DXO: variants seen among roughly 807,000 people sequenced by gnomAD.
DXO encodes decapping and exoribonuclease protein.
Under a neutral mutation model 39.8 loss-of-function variants are expected in DXO, and 42 were observed. The ratio of observed to expected loss-of-function variants is 1.06; its 90% CI spans 0.83 to 1.37. DXO has a LOEUF of 1.37. Among genes scored for constraint, DXO ranks in the 40% most tolerant of loss-of-function variants. The pLI is 0.00. For missense variants in DXO, 495 were observed against 513.0 expected (o/e 0.96, Z 0.34); for synonymous variants, 193 against 200.4 (o/e 0.96, Z 0.31).
Position 31,971,634 on chromosome 6 carries a change from C to A in DXO, c.42G>T (p.Glu14Asp). 6.2e-7 allele frequency: 1 copy of A among 1,611,082 alleles called. No homozygotes were observed. The highest frequency in any genetic ancestry group is 8.5e-7 in the Non-Finnish European group (1 of 1,179,974). The change falls in exon 2 of 7, where the codon GAG becomes GAT. Residue 14 changes from glutamate (E) to aspartate (D), a missense_variant. By Grantham distance (45) the Glu-to-Asp change is conservative (BLOSUM62 2). Transcript: ENST00000337523. This position sits in a 1 kb window ranked among gnomAD's most constrained non-coding sequence, Gnocchi z 4.5. ...GTAGTTTGTTCCGAGGCTCAGCTACCTCTGTCTTCTCAGCTCCTCTCTTGG... is the reference window on the plus strand; with the variant it reads ...GTAGTTTGTTCCGAGGCTCAGCTACATCTGTCTTCTCAGCTCCTCTCTTGG... ...RGTKRGAEKT[E>D]VAEPRNKLPR... is the part of the protein sequence containing the mutation.
Position 31,971,222 on chromosome 6 carries a change from T to C in DXO, c.357-75A>G. 4 of 1,569,462 alleles carry C rather than the reference T, an allele frequency of 2.5e-6. No individual in the cohort carries two copies. Among genetic ancestry groups the C allele is most frequent in the Non-Finnish European group, 3.5e-6 (4 of 1,155,596 alleles). Reference sequence around the variant, plus strand: ...ATGCTCCCCTCGAAGAATAGTCTTGTTTCTTCTAAGGACTGATTCTCACCC... The same window carrying C: ...ATGCTCCCCTCGAAGAATAGTCTTGCTTCTTCTAAGGACTGATTCTCACCC... On this transcript the variant is annotated intron_variant, in intron 2 of 6. Transcript: ENST00000337523. This position sits in a 1 kb window ranked among gnomAD's most constrained non-coding sequence, Gnocchi z 4.5.
chr6:31,970,496 G>A lies in DXO; in HGVS notation c.813-18C>T, dbSNP rs764405258. The stretch of plus-strand genomic sequence containing the variant: ...GCTTGTGTCTGACAGGAAAAGCAAG[G>A]GATCAGTGGGACCCCTCGTGCACCC... On this transcript the variant is annotated intron_variant, in intron 4 of 6. Coordinates refer to ENST00000337523, the MANE Select transcript of DXO (RefSeq NM_005510.4). This position sits in a 1 kb window ranked among gnomAD's most constrained non-coding sequence, Gnocchi z 4.0. 1 of 1,613,944 alleles carries A rather than the reference G, an allele frequency of 6.2e-7. No individual in the cohort carries two copies. The highest frequency in any genetic ancestry group is 2.2e-5 in the East Asian group (1 of 44,882).
rs762840455 is a variant in DXO, at chr6:31,970,729, A to C, written c.689T>G (p.Leu230Arg). 19 of 1,612,680 alleles carry C rather than the reference A, an allele frequency of 1.2e-5. No individual in the cohort carries two copies. In the Admixed American group the frequency reaches 3.2e-4, roughly 27 times the overall value. Reference sequence around the variant, plus strand: ...TGTGCAGTCTACCTCCCCTGAGAAGAGCAGAGGGTGGCTTCCCAGGCGGCT... The same window carrying C: ...TGTGCAGTCTACCTCCCCTGAGAAGCGCAGAGGGTGGCTTCCCAGGCGGCT... ...LRSRLGSHPL[L>R]FSGEVDCTDP... The change falls in exon 4 of 7, where the codon CTC becomes CGC. Residue 230 changes from leucine (L) to arginine (R), a missense_variant. Leu to Arg is a moderately radical substitution (Grantham distance 102, BLOSUM62 -2). Coordinates refer to ENST00000337523, the MANE Select transcript of DXO (RefSeq NM_005510.4). The surrounding 1 kb of genome is among the most constrained non-coding windows in gnomAD (Gnocchi z 4.0).
In DXO at chr6:31,971,306, C is replaced by T. The variant is rs755106840; in HGVS notation, c.356+14G>A. Reference sequence around the variant, plus strand: ...ACGGGTCTCCAGATATACTGCCTACCACGCTTTGCTCACCCCTCCAACCGG... The same window carrying T: ...ACGGGTCTCCAGATATACTGCCTACTACGCTTTGCTCACCCCTCCAACCGG... On this transcript the variant is annotated intron_variant, in intron 2 of 6. Transcript: ENST00000337523. The surrounding 1 kb of genome is among the most constrained non-coding windows in gnomAD (Gnocchi z 4.5). The T allele has an allele frequency of 6.5e-7, 1 of 1,538,434 alleles. No individual in the cohort carries two copies. The highest frequency in any genetic ancestry group is 2.0e-5 in the Admixed American group (1 of 50,348).
chr6:31,971,912 A>C lies in DXO; in HGVS notation c.-7+17T>G, dbSNP rs1425454236. 1.3e-6 allele frequency: 2 copies of C among 1,529,240 alleles called. No homozygotes were observed. Among genetic ancestry groups the C allele is most frequent in the Non-Finnish European group, 1.8e-6 (2 of 1,136,888 alleles). The allele number at this position is 1,529,240 out of a possible 1,614,324, so 94.7% of individuals were successfully genotyped here. A position where few individuals can be genotyped will look rare whatever the true frequency, so the allele number is the denominator to read the frequency against. On this transcript the variant is annotated intron_variant, in intron 1 of 6. Transcript: ENST00000337523. This position sits in a 1 kb window ranked among gnomAD's most constrained non-coding sequence, Gnocchi z 4.5. Reference sequence around the variant, plus strand: ...GGTTAGGAAGGACGTCTGCGCTCAGATCAAGAATCCAGTTACCTCAAAGCT... The same window carrying C: ...GGTTAGGAAGGACGTCTGCGCTCAGCTCAAGAATCCAGTTACCTCAAAGCT...
In DXO at chr6:31,970,744, C is replaced by G; in HGVS notation, c.674G>C (p.Gly225Ala). The G allele has an allele frequency of 6.2e-7, 1 of 1,612,902 alleles. No homozygotes were observed. The highest frequency in any genetic ancestry group is 2.2e-5 in the East Asian group (1 of 44,856). ...CCCTGAGAAGAGCAGAGGGTGGCTT[C>G]CCAGGCGGCTGCGTAGCACAGAGCA... ...AFCSVLRSRL[G>A]SHPLLFSGEV... The change falls in exon 4 of 7, where the codon GGA (glycine) becomes GCA (alanine). Residue 225 changes from glycine to alanine, a missense_variant. Gly to Ala is a moderately conservative substitution (Grantham distance 60). Transcript: ENST00000337523. This position sits in a 1 kb window ranked among gnomAD's most constrained non-coding sequence, Gnocchi z 4.0.
At position 31,970,711 on chromosome 6, in the gene DXO, T is replaced by C. The variant is rs1323109239; in HGVS notation, c.707A>G (p.Asp236Gly). 1.2e-6 allele frequency: 2 copies of C among 1,612,704 alleles called. No homozygotes were observed. Among genetic ancestry groups the C allele is most frequent in the African/African-American group, 1.3e-5 (1 of 74,842 alleles). The change falls in exon 4 of 7, where the codon GAC (aspartate) becomes GGC (glycine). Residue 236 changes from aspartate to glycine, a missense_variant. By Grantham distance (94) the Asp-to-Gly change is moderately conservative. Transcript: ENST00000337523. The surrounding 1 kb of genome is among the most constrained non-coding windows in gnomAD (Gnocchi z 4.0). Reference sequence around the variant, plus strand: ...GGATGGGGCTTGGGGGTCTGTGCAGTCTACCTCCCCTGAGAAGAGCAGAGG... The same window carrying C: ...GGATGGGGCTTGGGGGTCTGTGCAGCCTACCTCCCCTGAGAAGAGCAGAGG... ...SHPLLFSGEV[D>G]CTDPQAPSTQ...
In DXO at chr6:31,972,066, G is replaced by GGCGGGGGAGGTGTGAGCTTC; in HGVS notation, c.-164_-145dup. 3 of 1,612,740 alleles carry GGCGGGGGAGGTGTGAGCTTC rather than the reference G, an allele frequency of 1.9e-6. No individual in the cohort carries two copies. Among genetic ancestry groups the GGCGGGGGAGGTGTGAGCTTC allele is most frequent in the Non-Finnish European group, 2.5e-6 (3 of 1,179,554 alleles). On this transcript the variant is annotated 5_prime_UTR_variant, in exon 1 of 7. Coordinates refer to ENST00000337523, the MANE Select transcript of DXO (RefSeq NM_005510.4). The surrounding 1 kb of genome is among the most constrained non-coding windows in gnomAD (Gnocchi z 6.3). ...ACAGTGGCGGGCAAACCCCTCCCGGGGCGGGGGAGGTGTGAGCTTCACGAA... is the reference window on the plus strand; with the variant it reads ...ACAGTGGCGGGCAAACCCCTCCCGGGGCGGGGGAGGTGTGAGCTTCGCGGGGGAGGTGTGAGCTTCACGAA...
At position 31,970,406 on chromosome 6, in the gene DXO, G is replaced by GTTT; in HGVS notation, c.884_885insAAA (p.Arg294_Asn295insLys). On this transcript the variant is annotated inframe_insertion, in exon 5 of 7. Coordinates refer to ENST00000337523, the MANE Select transcript of DXO (RefSeq NM_005510.4). This position sits in a 1 kb window ranked among gnomAD's most constrained non-coding sequence, Gnocchi z 4.0. The stretch of plus-strand genomic sequence containing the variant: ...TGAGGGAAGAGACAAAACCGTCTGG[G>GTTT]TTACGGAAGCCAGCAACAACATTCG... 1.2e-6 allele frequency: 2 copies of GTTT among 1,614,114 alleles called. No homozygotes were observed. Among genetic ancestry groups the GTTT allele is most frequent in the Non-Finnish European group, 1.7e-6 (2 of 1,180,018 alleles).
At position 31,971,219 on chromosome 6, in the gene DXO, T is replaced by C; in HGVS notation, c.357-72A>G. On this transcript the variant is annotated intron_variant, in intron 2 of 6. Transcript: ENST00000337523. The surrounding 1 kb of genome is among the most constrained non-coding windows in gnomAD (Gnocchi z 4.5). The stretch of plus-strand genomic sequence containing the variant: ...GAGATGCTCCCCTCGAAGAATAGTC[T>C]TGTTTCTTCTAAGGACTGATTCTCA... 6.4e-7 allele frequency: 1 copy of C among 1,569,924 alleles called. No individual in the cohort carries two copies. Among genetic ancestry groups the C allele is most frequent in the Non-Finnish European group, 8.7e-7 (1 of 1,155,392 alleles).
Position 31,970,402 on chromosome 6 carries a change from CTG to C in DXO, c.887_888del (p.Pro296ArgfsTer17), listed in dbSNP as rs1773160584. 6.2e-7 allele frequency: 1 copy of C among 1,614,048 alleles called. No homozygotes were observed. The highest frequency in any genetic ancestry group is 2.2e-5 in the East Asian group (1 of 44,884). ...VPNVVAGFRN[P>X]DGFVSSLKTF... Reference sequence around the variant, plus strand: ...GTCTTGAGGGAAGAGACAAAACCGTCTGGGTTACGGAAGCCAGCAACAACATT... The same window carrying C: ...GTCTTGAGGGAAGAGACAAAACCGTCGGTTACGGAAGCCAGCAACAACATT... On this transcript the variant is annotated frameshift_variant, in exon 5 of 7. Transcript: ENST00000337523. LOFTEE classifies it high-confidence loss of function. The surrounding 1 kb of genome is among the most constrained non-coding windows in gnomAD (Gnocchi z 4.0).
chr6:31,971,426 G>A lies in DXO; in HGVS notation c.250C>T (p.Leu84Phe). 1 of 1,610,530 alleles carries A rather than the reference G, an allele frequency of 6.2e-7. No individual in the cohort carries two copies. Among genetic ancestry groups the A allele is most frequent in the Non-Finnish European group, 8.5e-7 (1 of 1,177,272 alleles). Residue 84 changes from leucine (L) to phenylalanine (F), a missense_variant, in exon 2 of 7, where the codon CTC (leucine) becomes TTC (phenylalanine). Coordinates refer to ENST00000337523, the MANE Select transcript of DXO (RefSeq NM_005510.4). This position sits in a 1 kb window ranked among gnomAD's most constrained non-coding sequence, Gnocchi z 4.5. ...TATCGATCCGGGTATCCGTCTCTGA[G>A]GTCAAAGTTGGGGCCTGGACCGTTA... ...PTNGPGPNFD[L>F]RDGYPDRYQP... is the part of the protein sequence containing the mutation.
Position 31,970,312 on chromosome 6 carries a change from A to G in DXO, c.948+31T>C. 1 of 1,614,030 alleles carries G rather than the reference A, an allele frequency of 6.2e-7. No homozygotes were observed. The highest frequency in any genetic ancestry group is 8.5e-7 in the Non-Finnish European group (1 of 1,179,948). On this transcript the variant is annotated intron_variant, in intron 5 of 6. Transcript: ENST00000337523. This position sits in a 1 kb window ranked among gnomAD's most constrained non-coding sequence, Gnocchi z 4.0. ...ACCTGTGGTCTTGGTGTTTGGGGAT[A>G]CGGGTGGGAGCTGCAACATCGTTCC... is the stretch of plus-strand genomic sequence containing the variant.
rs1562673253 is a variant in DXO at position 31,969,840 on chromosome 6, G to A, written c.*37C>T. The A allele has an allele frequency of 1.2e-6, 2 of 1,613,828 alleles. No individual in the cohort carries two copies. Among genetic ancestry groups the A allele is most frequent in the African/African-American group, 1.3e-5 (1 of 75,046 alleles). On this transcript the variant is annotated 3_prime_UTR_variant, in exon 7 of 7. Transcript: ENST00000337523. The surrounding 1 kb of genome is among the most constrained non-coding windows in gnomAD (Gnocchi z 6.1). ...TCTTAGAAATATGCTTTTATTATCT[G>A]CACACAGAGATATGACTGCCTCCCT...
In DXO at chr6:31,971,672, C is replaced by T. The variant is rs1582204256; in HGVS notation, c.4G>A (p.Asp2Asn). The part of the protein sequence containing the change: M[D>N]PRGTKRGAEK... ...GCTCCTCTCTTGGTCCCCCTGGGAT[C>T]CATGAGGTCCTAAGACAAGCAGGGG... Residue 2 changes from aspartate (D) to asparagine (N), a missense_variant, in exon 2 of 7, where the codon GAT (aspartate) becomes AAT (asparagine). By Grantham distance (23) the Asp-to-Asn change is conservative (BLOSUM62 1). Transcript: ENST00000337523. This position sits in a 1 kb window ranked among gnomAD's most constrained non-coding sequence, Gnocchi z 4.5. 6.2e-6 allele frequency: 10 copies of T among 1,603,176 alleles called. No individual in the cohort carries two copies. The highest frequency in any genetic ancestry group is 7.6e-6 in the Non-Finnish European group (9 of 1,178,728).
Position 31,971,625 on chromosome 6 carries a change from C to A in DXO, c.51G>T (p.Glu17Asp), listed in dbSNP as rs1445656006. The A allele has an allele frequency of 6.2e-7, 1 of 1,612,168 alleles. No homozygotes were observed. The highest frequency in any genetic ancestry group is 1.7e-5 in the Admixed American group (1 of 60,016). The change falls in exon 2 of 7, where the codon GAG (glutamate) becomes GAT (aspartate). Residue 17 changes from glutamate to aspartate, a missense_variant. Physicochemically the swap from Glu to Asp is conservative, Grantham distance 45. Coordinates refer to ENST00000337523, the MANE Select transcript of DXO (RefSeq NM_005510.4). This position sits in a 1 kb window ranked among gnomAD's most constrained non-coding sequence, Gnocchi z 4.5. Reference sequence around the variant, plus strand: ...CTGGACGAGGTAGTTTGTTCCGAGGCTCAGCTACCTCTGTCTTCTCAGCTC... The same window carrying A: ...CTGGACGAGGTAGTTTGTTCCGAGGATCAGCTACCTCTGTCTTCTCAGCTC... ...KRGAEKTEVAEPRNKLPRPAP... is the reference protein window; with the variant it reads ...KRGAEKTEVADPRNKLPRPAP...
chr6:31,970,192 G>GT lies in DXO; in HGVS notation c.959dup (p.Asp320GlufsTer17). ...TCATGCACACAGAGGGATTCCAGCC[G>GT]TCACGGTCATTCTGGAGCAGGCAGA... On this transcript the variant is annotated frameshift_variant, in exon 6 of 7. Coordinates refer to ENST00000337523, the MANE Select transcript of DXO (RefSeq NM_005510.4). LOFTEE classifies it high-confidence loss of function. The surrounding 1 kb of genome is among the most constrained non-coding windows in gnomAD (Gnocchi z 4.0). The GT allele has an allele frequency of 6.2e-7, 1 of 1,614,018 alleles. No homozygotes were observed. Among genetic ancestry groups the GT allele is most frequent in the South Asian group, 1.1e-5 (1 of 91,074 alleles).
At position 31,970,099 on chromosome 6, in the gene DXO, A is replaced by G. The variant is rs1270697635; in HGVS notation, c.1043+10T>C. 6.2e-7 allele frequency: 1 copy of G among 1,613,926 alleles called. No individual in the cohort carries two copies. The highest frequency in any genetic ancestry group is 1.7e-5 in the Admixed American group (1 of 60,018). ...GATCCAGAGGGGAGGGACAGAGCTG[A>G]ATGCCTCACCTGGGGTCATCCTGGA... On this transcript the variant is annotated intron_variant, in intron 6 of 6. Transcript: ENST00000337523. This position sits in a 1 kb window ranked among gnomAD's most constrained non-coding sequence, Gnocchi z 4.0.
In DXO at chr6:31,971,455, G is replaced by T. The variant is rs147640853; in HGVS notation, c.221C>A (p.Pro74His). ...ARALRYYSPP[P>H]TNGPGPNFDL... ...AAAGTTGGGGCCTGGACCGTTAGTG[G>T]GGGGTGGGCTATAGTAGCGCAGGGC... Residue 74 changes from proline (P) to histidine (H), a missense_variant, in exon 2 of 7, where the codon CCC (proline) becomes CAC (histidine). Coordinates refer to ENST00000337523, the MANE Select transcript of DXO (RefSeq NM_005510.4). This position sits in a 1 kb window ranked among gnomAD's most constrained non-coding sequence, Gnocchi z 4.5. The T allele has an allele frequency of 1.9e-6, 3 of 1,613,772 alleles. No individual in the cohort carries two copies. The highest frequency in any genetic ancestry group is 2.2e-5 in the East Asian group (1 of 44,880).
Sources: gnomAD v4.1 joint callset for allele counts on GRCh38, gnomAD v4.1.1 for gene constraint, Gnocchi (gnomAD v3.1) non-coding constraint, MANE v1.5 for transcripts, NCBI Gene and HGNC (gene_info 2026-07-23, HGNC 2026-07-21) for gene names.